Variants in ASPRV1 observed in about 807,000 individuals in gnomAD.
ASPRV1 encodes the protein retroviral-like aspartic protease 1.
Under a neutral mutation model 11.0 loss-of-function variants are expected in ASPRV1, and 7 were observed. The observed-to-expected ratio is 0.64, with a 90% CI of 0.36 to 1.20. The LOEUF is 1.20. Ranked by LOEUF, ASPRV1 falls within the 50% of genes most tolerant of loss-of-function variation. The pLI, the probability that ASPRV1 is intolerant of heterozygous loss-of-function variation, is 0.02. For missense variants in ASPRV1, 299 were observed against 320.0 expected (o/e 0.93, Z 0.50); for synonymous variants, 136 against 138.4 (o/e 0.98, Z 0.12).
At chr2:69,968,185 T>C in the ASPRV1 span, among the ~76,000 whole-genome samples, 1 of 152,310 alleles carries the variant, frequency 6.6e-6, no homozygotes, top group Non-Finnish European at 1.5e-5. Flanking sequence ...AATCTAAAAC[T>C]ACTCTAAAAA....
the ASPRV1 span, among the ~76,000 whole-genome samples, chr2:70,003,834 T>C: frequency 1.3e-5 from 2 of 152,186 alleles, no homozygotes; most frequent in Non-Finnish European, 2.9e-5. Flanking sequence ...TGAATGCTAT[T>C]ATCATGGGAG....
At chr2:69,938,391 C>A in the ASPRV1 span, 2 of 1,171,626 alleles carry the variant, frequency 1.7e-6, no homozygotes, top group East Asian at 2.4e-5. Flanking sequence ...TTCAGTGTCC[C>A]ACCTTGACCA....
chr2:70,053,886 T>C, the ASPRV1 span: 1 of 152,246 alleles, frequency 6.6e-6, no homozygotes, highest in Admixed American at 6.5e-5. Context: ...AGGAACCTCT[T>C]TCTCTCTCCA....
At chr2:69,988,839 CTG>C in the ASPRV1 span, 2 of 456,604 alleles carry the variant, frequency 4.4e-6, no homozygotes, top group East Asian at 6.9e-5. Flanking sequence ...GCAGAAGAGT[CTG>C]GAGTAGGATG....
At chr2:70,067,199 G>A in the ASPRV1 span, among the ~76,000 whole-genome samples, 1 of 152,178 alleles carries the variant, frequency 6.6e-6, no homozygotes, top group Admixed American at 6.5e-5. Flanking sequence ...GGGAGGACAA[G>A]TCCTAGTGAC....
At chr2:69,937,228 C>T in the ASPRV1 span, 1 of 1,612,648 alleles carries the variant, frequency 6.2e-7, no homozygotes, top group Non-Finnish European at 8.5e-7. Context: ...ACCCCTTTGA[C>T]TTGCAGAAAC....
chr2:69,953,186 C>A, the ASPRV1 span, among the ~76,000 whole-genome samples: 1 of 152,240 alleles, frequency 6.6e-6, no homozygotes, highest in Non-Finnish European at 1.5e-5. Flanking sequence ...TCTTCTGTAC[C>A]TGCCTAAACC....
the ASPRV1 span, among the ~76,000 whole-genome samples, chr2:69,990,148 T>C: frequency 6.6e-6 from 1 of 152,118 alleles, no homozygotes; most frequent in African/African-American, 2.4e-5. Context: ...GGTGCCTTGG[T>C]TTGCCCTTTT....
the ASPRV1 span, among the ~76,000 whole-genome samples, chr2:69,976,862 A>G: frequency 6.6e-6 from 1 of 152,120 alleles, no homozygotes; most frequent in Non-Finnish European, 1.5e-5. Flanking sequence ...TGCCCCTGAC[A>G]AAACACACAC....
the ASPRV1 span, among the ~76,000 whole-genome samples, chr2:70,038,957 T>G: frequency 1.1e-4 from 17 of 151,822 alleles, no homozygotes; most frequent in South Asian, 3.5e-3. Flanking sequence ...CACATGCCTG[T>G]AATCCCAGCT....
the ASPRV1 span, among the ~76,000 whole-genome samples, chr2:70,036,149 G>C: frequency 7.9e-5 from 12 of 152,036 alleles, no homozygotes; most frequent in African/African-American, 2.6e-4. Flanking sequence ...AAAAGCTGCA[G>C]CCTGGAGCTA....
the ASPRV1 span, among the ~76,000 whole-genome samples, chr2:69,981,703 C>T: frequency 6.6e-6 from 1 of 152,130 alleles, no homozygotes; most frequent in Non-Finnish European, 1.5e-5. Context: ...TTTACAGGCA[C>T]ATGCCACAAT....
chr2:70,079,866 G>A, the ASPRV1 span, among the ~76,000 whole-genome samples: 1 of 152,108 alleles, frequency 6.6e-6, no homozygotes, highest in Non-Finnish European at 1.5e-5. Context: ...CTATATCCGT[G>A]TCTCAGAAAT....
the ASPRV1 span, chr2:70,048,863 G>A: frequency 6.6e-6 from 1 of 152,132 alleles, no homozygotes; most frequent in Non-Finnish European, 1.5e-5. Context: ...TCCTTAGTTT[G>A]CAGCAGCATA....
the ASPRV1 span, among the ~76,000 whole-genome samples, chr2:70,081,983 A>G: frequency 1.9e-3 from 284 of 151,922 alleles, 2 homozygotes; most frequent in Middle Eastern, 0.01. Flanking sequence ...GCAATTTTTT[A>G]TTTTTATTTT....
At chr2:69,963,938 G>C (rs545322120), upstream of ASPRV1, among the ~76,000 whole-genome samples, 1 of 152,322 alleles carries the variant, frequency 6.6e-6, no homozygotes, top group South Asian at 2.1e-4. Flanking sequence ...TGGACAAAGA[G>C]CTGCTTGTTA....
chr2:69,953,367 G>A, the ASPRV1 span, among the ~76,000 whole-genome samples: 1 of 152,242 alleles, frequency 6.6e-6, no homozygotes, highest in East Asian at 1.9e-4. Context: ...AGCAAGTGGC[G>A]GGACAGCACA....
At chr2:69,985,340 T>C in the ASPRV1 span, among the ~76,000 whole-genome samples, 1 of 152,236 alleles carries the variant, frequency 6.6e-6, no homozygotes, top group Non-Finnish European at 1.5e-5. Context: ...TGATCGCCAC[T>C]GGTTCATGCG....
chr2:70,009,240 T>C, the ASPRV1 span, among the ~76,000 whole-genome samples: 1 of 152,162 alleles, frequency 6.6e-6, no homozygotes, highest in Non-Finnish European at 1.5e-5. Context: ...TATACTTGTC[T>C]ATATATTTCC....
Sources: gnomAD v4.1 joint callset for allele counts (sites outside exome capture counted in the v4.1 genomes callset) on GRCh38, gnomAD v4.1.1 for gene constraint, MANE v1.5 for transcripts, NCBI Gene and HGNC (gene_info 2026-07-23, HGNC 2026-07-21) for gene names.